Variants in NKAIN3 observed in about 807,000 individuals in gnomAD.
The protein encoded by NKAIN3 is sodium/potassium-transporting ATPase subunit beta-1-interacting protein 3.
A neutral mutation model predicts 30.2 loss-of-function variants in NKAIN3; 25 were observed. The ratio of observed to expected loss-of-function variants is 0.83; its 90% CI spans 0.60 to 1.16. The LOEUF (loss-of-function observed/expected upper bound fraction) is 1.16, where lower values mean the gene tolerates loss of function less well. Among genes scored for constraint, NKAIN3 ranks in the 50% most tolerant of loss-of-function variants. NKAIN3 has a pLI of 0.00. For synonymous variants in NKAIN3, 91 were observed against 89.6 expected (o/e 1.02, Z -0.09); for missense variants, 225 against 254.1 (o/e 0.89, Z 0.78).
At chr8:62,415,612 A>G (rs1804419568) in intron 1 of NKAIN3, among the ~76,000 whole-genome samples, 1 of 151,396 alleles carries the variant, frequency 6.6e-6, no homozygotes, top group African/African-American at 2.4e-5. Context: ...TTTAAGGTTC[A>G]GTTTTGCATT....
intron 1 of NKAIN3, among the ~76,000 whole-genome samples, chr8:62,313,593 G>A (rs1814516995): frequency 1.3e-5 from 2 of 152,128 alleles, no homozygotes; most frequent in African/African-American, 4.8e-5. Flanking sequence ...AGGAGCTCAA[G>A]GGGAAATAGT....
At position 62,970,487 on chromosome 8, in the gene NKAIN3, A is replaced by G. The variant is rs1823810605; in HGVS notation, c.*5080A>G. On this transcript the variant is annotated 3_prime_UTR_variant, in exon 7 of 7. Coordinates refer to ENST00000623646, the MANE Select transcript of NKAIN3 (RefSeq NM_001304533.3). ...ATCATCTTTCTTGAACTTGCATTCA[A>G]ATAAAGGGTAAAAATCATGTTAAAT... 6.7e-6 allele frequency among the ~76,000 whole-genome samples: 1 copy of G among 149,098 alleles called. No homozygotes were observed. The highest frequency in any genetic ancestry group is 2.0e-4 in the East Asian group (1 of 4,890).
intron 4 of NKAIN3, among the ~76,000 whole-genome samples, chr8:62,915,801 C>T (rs968170230): frequency 1.3e-5 from 2 of 152,006 alleles, no homozygotes; most frequent in Admixed American, 6.6e-5. Context: ...CATAAAGAAA[C>T]AAAAATTTGC....
chr8:62,870,281 A>AGATATCTATAGATATCTATATCT (rs1586292215), intron 4 of NKAIN3, among the ~76,000 whole-genome samples: 1 of 34,990 alleles, frequency 2.9e-5, no homozygotes, highest in Non-Finnish European at 6.0e-5. Flanking sequence ...GATATATATA[A>AGATATCTATAGATATCTATATCT]ATATCTATAG....
At chr8:62,441,946 A>T (rs1805338436) in intron 1 of NKAIN3, among the ~76,000 whole-genome samples, 2 of 151,936 alleles carry the variant, frequency 1.3e-5, no homozygotes, top group South Asian at 4.1e-4. Flanking sequence ...ATCAGACTGA[A>T]TTTCATCCCC....
At chr8:62,923,494 T>C (rs1822341218) in intron 5 of NKAIN3, among the ~76,000 whole-genome samples, 1 of 152,234 alleles carries the variant, frequency 6.6e-6, no homozygotes, top group Non-Finnish European at 1.5e-5. Flanking sequence ...TGCAAATGTT[T>C]ATGTGAGGCA....
At chr8:62,430,795 G>A (rs1435911730) in intron 1 of NKAIN3, among the ~76,000 whole-genome samples, 2 of 151,826 alleles carry the variant, frequency 1.3e-5, no homozygotes, top group Admixed American at 6.6e-5. Flanking sequence ...ACTCTTTGTG[G>A]TATGAGTAGT....
intron 1 of NKAIN3, among the ~76,000 whole-genome samples, chr8:62,486,731 TCTC>T (rs1442636915): frequency 1.3e-5 from 2 of 152,210 alleles, no homozygotes; most frequent in Non-Finnish European, 2.9e-5. Context: ...GCTGGGCAGT[TCTC>T]CTGCCATTCT....
chr8:62,964,724 C>A (rs1823656653), intron 6 of NKAIN3, among the ~76,000 whole-genome samples: 1 of 152,084 alleles, frequency 6.6e-6, no homozygotes, highest in Admixed American at 6.6e-5. Flanking sequence ...ATACCGATTG[C>A]ATGAGGCCCA....
intron 5 of NKAIN3, among the ~76,000 whole-genome samples, chr8:62,998,757 CT>C (rs1374921477): frequency 6.6e-6 from 1 of 152,140 alleles, no homozygotes; most frequent in Non-Finnish European, 1.5e-5. Context: ...GTCCATTTGT[CT>C]TTCAGTGATA....
chr8:62,853,576 G>A (rs1819974769), intron 4 of NKAIN3, among the ~76,000 whole-genome samples: 1 of 152,042 alleles, frequency 6.6e-6, no homozygotes, highest in Middle Eastern at 3.2e-3. Context: ...TTCTAATTGT[G>A]TTTATTTGAA....
At chr8:62,678,848 A>G (rs1269916140) in intron 3 of NKAIN3, among the ~76,000 whole-genome samples, 1 of 152,162 alleles carries the variant, frequency 6.6e-6, no homozygotes, top group Non-Finnish European at 1.5e-5. Context: ...GTTGTGATTT[A>G]TCACATAACA....
At chr8:62,367,162 T>C (rs1816762546) in intron 1 of NKAIN3, among the ~76,000 whole-genome samples, 1 of 152,204 alleles carries the variant, frequency 6.6e-6, no homozygotes, top group African/African-American at 2.4e-5. Context: ...CAATGTGTAT[T>C]CTGCTGCTAT....
chr8:62,923,169 G>A (rs1046136178), intron 5 of NKAIN3, among the ~76,000 whole-genome samples: 5 of 151,978 alleles, frequency 3.3e-5, no homozygotes, highest in African/African-American at 1.2e-4. Context: ...GTGGTGGTGT[G>A]TGCCTGTGGT....
At chr8:62,612,594 C>T (rs886482578) in intron 3 of NKAIN3, among the ~76,000 whole-genome samples, 2 of 151,512 alleles carry the variant, frequency 1.3e-5, no homozygotes, top group African/African-American at 2.4e-5. Flanking sequence ...GAGTTTAGCC[C>T]ATTTACATTC....
intron 1 of NKAIN3, among the ~76,000 whole-genome samples, chr8:62,336,293 C>G (rs753986929): frequency 2.0e-5 from 3 of 152,044 alleles, no homozygotes; most frequent in Non-Finnish European, 2.9e-5. Flanking sequence ...CAGCTAGGAA[C>G]CAGTTGGCGC....
At chr8:62,588,477 C>T (rs827691) in intron 2 of NKAIN3, among the ~76,000 whole-genome samples, 1 of 151,444 alleles carries the variant, frequency 6.6e-6, no homozygotes, top group African/African-American at 2.4e-5. Flanking sequence ...TAAATGTAAC[C>T]AGTTATAGGA....
chr8:62,889,322 A>T (rs1203975225), intron 4 of NKAIN3, among the ~76,000 whole-genome samples: 1 of 152,128 alleles, frequency 6.6e-6, no homozygotes, highest in African/African-American at 2.4e-5. Context: ...GTGAGCCGAG[A>T]TCATGCCATT....
intron 1 of NKAIN3, among the ~76,000 whole-genome samples, chr8:62,393,564 A>T (rs1425695918): frequency 4.0e-5 from 6 of 151,850 alleles, no homozygotes; most frequent in Admixed American, 2.6e-4. Context: ...TCTTAAAAAA[A>T]TTTTTAAGCT....
Sources: allele counts gnomAD v4.1 joint callset (sites outside exome capture counted in the v4.1 genomes callset), GRCh38; gene constraint gnomAD v4.1.1; transcripts MANE v1.5; gene names NCBI Gene and HGNC (gene_info 2026-07-23, HGNC 2026-07-21).